FANCD2: variants seen among roughly 807,000 people sequenced by gnomAD.
FANCD2 encodes the protein Fanconi anemia group D2 protein.
A neutral mutation model predicts 192.3 loss-of-function variants in FANCD2; 131 were observed. The observed-to-expected ratio is 0.68, with a 90% CI of 0.59 to 0.79. The LOEUF (loss-of-function observed/expected upper bound fraction) is 0.79. Among genes scored for constraint, FANCD2 ranks in the 30% least tolerant of loss-of-function variants. The pLI, the probability that FANCD2 is intolerant of heterozygous loss-of-function variation, is 0.00. For synonymous variants in FANCD2, 524 were observed against 612.5 expected (o/e 0.86, Z 2.13); for missense variants, 1,508 against 1,701.6 (o/e 0.89, Z 2.00).
intron 29 of FANCD2, among the ~76,000 whole-genome samples, chr3:10,077,083 A>T (rs1264937299): frequency 6.6e-6 from 1 of 151,872 alleles, no homozygotes; most frequent in Non-Finnish European, 1.5e-5. Flanking sequence ...AAAAAAAAAA[A>T]GTAGCCAGGC....
chr3:10,050,063 T>C (rs547803490), intron 17 of FANCD2, among the ~76,000 whole-genome samples: 2 of 152,316 alleles, frequency 1.3e-5, no homozygotes, highest in African/African-American at 2.4e-5. Context: ...CAGGCCCATG[T>C]TGCAAAGAGT....
chr3:10,053,091 C>T (rs1350142954), intron 18 of FANCD2, among the ~76,000 whole-genome samples: 19 of 147,122 alleles, frequency 1.3e-4, no homozygotes, highest in Middle Eastern at 3.4e-3. Flanking sequence ...ATGTTTATTG[C>T]GGCACTATTC....
chr3:10,071,564 T>C (rs775167023), intron 26 of FANCD2, among the ~76,000 whole-genome samples: 17 of 152,196 alleles, frequency 1.1e-4, no homozygotes, highest in Non-Finnish European at 1.9e-4. Flanking sequence ...GAGGACATTA[T>C]GTTAAGTGAA....
At chr3:10,039,901 C>T (rs1274383262) in intron 9 of FANCD2, 56 bp downstream of exon 9, 3 of 1,606,342 alleles carry the variant, frequency 1.9e-6, no homozygotes, top group Non-Finnish European at 1.7e-6. Flanking sequence ...GGTTCTATCA[C>T]TGCAGTATGC....
At chr3:10,059,066 TAC>T (rs2087490883) in intron 18 of FANCD2, among the ~76,000 whole-genome samples, 1 of 152,254 alleles carries the variant, frequency 6.6e-6, no homozygotes, top group South Asian at 2.1e-4. Context: ...CAGGCTAGAG[TAC>T]AGTGATGTGA....
At chr3:10,053,079 A>G (rs1444561862) in intron 18 of FANCD2, among the ~76,000 whole-genome samples, 5 of 146,894 alleles carry the variant, frequency 3.4e-5, no homozygotes, top group Non-Finnish European at 7.4e-5. Context: ...ACATGCACAC[A>G]TATGTTTATT....
rs371321981 is a variant in FANCD2 at position 10,087,281 on chromosome 3, C to CTTTTT, written c.3466+32_3466+36dup. The CTTTTT allele has an allele frequency of 3.9e-4, 515 of 1,310,184 alleles. 2 individuals are homozygous for CTTTTT. Among genetic ancestry groups the CTTTTT allele is most frequent in the South Asian group, 8.7e-4 (62 of 71,640 alleles). 81.2% of individuals were successfully genotyped at this position (1,310,184 alleles called of 1,614,324 possible). ...AAAAAATTGGTGATGGGCCTAGATC[C>CTTTTT]TTTTTTTTTTTTTTTTTTTAATGAA... On this transcript the variant is annotated intron_variant, in intron 34 of 43. Transcript: ENST00000675286.
intron 35 of FANCD2, 78 bp downstream of exon 35, chr3:10,088,620 A>T (rs1428879228): frequency 8.5e-7 from 1 of 1,179,044 alleles, no homozygotes; most frequent in Non-Finnish European, 1.3e-6. Context: ...AGACTGGACA[A>T]ATGACCTTTT....
intron 10 of FANCD2, 79 bp downstream of exon 10, chr3:10,041,789 G>A: frequency 1.1e-6 from 1 of 944,604 alleles, no homozygotes; most frequent in Admixed American, 1.7e-5. Flanking sequence ...CATTGCCTTG[G>A]GAGTAATGAA....
At chr3:10,090,443 ATTTTTTTTTTTTTTTT>A (rs773716319) in intron 37 of FANCD2, 58 bp downstream of exon 37, 9 of 342,310 alleles carry the variant, frequency 2.6e-5, no homozygotes, top group Non-Finnish European at 4.1e-5. Context: ...GAAGTTGCTG[ATTTTTTTTTTTTTTTT>A]TTTTTTTTTT....
chr3:10,036,014 C>T (rs756530022), intron 6 of FANCD2, among the ~76,000 whole-genome samples: 8 of 151,168 alleles, frequency 5.3e-5, no homozygotes, highest in East Asian at 1.9e-4. Flanking sequence ...TGTGGATATC[C>T]TTGTAATAAG....
At chr3:10,074,959 G>A (rs182016312) in intron 29 of FANCD2, among the ~76,000 whole-genome samples, 14 of 152,150 alleles carry the variant, frequency 9.2e-5, no homozygotes, top group Non-Finnish European at 1.6e-4. Flanking sequence ...GATTATTTTT[G>A]TAGAGGAGCA....
chr3:10,069,466 C>CCTCT (rs2087811463), intron 26 of FANCD2, among the ~76,000 whole-genome samples: 10 of 127,510 alleles, frequency 7.8e-5, no homozygotes, highest in African/African-American at 3.7e-4. Context: ...GATGCCTCTC[C>CCTCT]CCCTCCCCCT....
chr3:10,033,698 C>T (rs868647439), intron 3 of FANCD2, among the ~76,000 whole-genome samples: 47 of 89,364 alleles, frequency 5.3e-4, no homozygotes, highest in South Asian at 1.4e-3. Context: ...AAAGCTAAGT[C>T]TTTTTTTTTT....
Position 10,054,118 on chromosome 3 carries a change from G to A in FANCD2, c.1656+1621G>A, listed in dbSNP as rs543434944. ...TCCTAGCTACTCAGGAGGCGGAGGT[G>A]GGAGGATCCATTGAGCCCAGGAAGT... On this transcript the variant is annotated intron_variant, in intron 18 of 43. Coordinates refer to ENST00000675286, the MANE Select transcript of FANCD2 (RefSeq NM_001018115.3). Among the ~76,000 whole-genome samples the A allele has an allele frequency of 7.9e-5, 12 of 151,638 alleles. No individual in the cohort carries two copies. The South Asian group carries it at 2.5e-3, about 32-fold the overall frequency.
rs111738952 is a variant in FANCD2 at position 10,061,919 on chromosome 3, A to G, written c.1767-232A>G. On this transcript the variant is annotated intron_variant, in intron 19 of 43. Transcript: ENST00000675286. ...CTCACTCATAGGTGGTAATTGAACA[A>G]TGAGAACACATGGACACAGGAAAGG... Among the ~76,000 whole-genome samples, 8 of 143,782 alleles carry G rather than the reference A, an allele frequency of 5.6e-5. 1 individual carries two copies. Among genetic ancestry groups the G allele is most frequent in the African/African-American group, 2.0e-4 (8 of 39,648 alleles). 94.3% of individuals were successfully genotyped at this position (143,782 alleles called of 152,430 possible). A position where few individuals can be genotyped will look rare whatever the true frequency, so the allele number is the denominator to read the frequency against.
Position 10,028,611 on chromosome 3 carries a change from C to A in FANCD2, c.-33-14C>A. ...CTTCTAGAGGGTAACTTCTGTTTCC[C>A]GATTTTGCTCTAGGAAGTAATTTAA... On this transcript the variant is annotated splice_polypyrimidine_tract_variant and intron_variant, in intron 1 of 43. Transcript: ENST00000675286. 6.5e-7 allele frequency: 1 copy of A among 1,544,678 alleles called. No homozygotes were observed. Among genetic ancestry groups the A allele is most frequent in the South Asian group, 1.1e-5 (1 of 89,602 alleles).
In FANCD2 at chr3:10,101,361, A is replaced by C; in HGVS notation, c.*99A>C. ...GCTGTTTGCCTTTCTTACTGGTAGGATCCTTTTTTGTTCCTCTTTTTTTTT... is the reference window on the plus strand; with the variant it reads ...GCTGTTTGCCTTTCTTACTGGTAGGCTCCTTTTTTGTTCCTCTTTTTTTTT... On this transcript the variant is annotated 3_prime_UTR_variant, in exon 44 of 44. Transcript: ENST00000675286. 1 of 560,136 alleles carries C rather than the reference A, an allele frequency of 1.8e-6. No individual in the cohort carries two copies. 34.7% of individuals were successfully genotyped at this position (560,136 alleles called of 1,614,324 possible).
intron 8 of FANCD2, 22 bp downstream of exon 8, chr3:10,039,379 C>G (rs370765663): frequency 1.3e-6 from 2 of 1,580,102 alleles, no homozygotes; most frequent in African/African-American, 2.7e-5. Context: ...GACTTTATCT[C>G]TTGAATTTAA....
Sources: allele counts gnomAD v4.1 joint callset (sites outside exome capture counted in the v4.1 genomes callset), GRCh38; gene constraint gnomAD v4.1.1; transcripts MANE v1.5; gene names NCBI Gene and HGNC (gene_info 2026-07-23, HGNC 2026-07-21).